Variants in OR2M3 observed in about 807,000 individuals in gnomAD.
OR2M3 encodes the protein olfactory receptor family 2 subfamily M member 3, also known as olfactory receptor 2M3.
In OR2M3, 1 loss-of-function variant was observed where a neutral mutation model predicts 4.3. The observed-to-expected ratio is 0.23, with a 90% CI of 0.08 to 1.11. OR2M3 has a LOEUF of 1.11. OR2M3 is among the 50% of genes most tolerant of loss of function. OR2M3 has a pLI of 0.54. For synonymous variants in OR2M3, 151 were observed against 139.4 expected (o/e 1.08, Z -0.59); for missense variants, 410 against 390.4 (o/e 1.05, Z -0.42).
Position 248,206,163 on chromosome 1 carries a change from C to T in OR2M3, c.*2157C>T, listed in dbSNP as rs1423611069. 1 of 152,014 alleles carries T rather than the reference C, an allele frequency of 6.6e-6. No individual in the cohort carries two copies. Among genetic ancestry groups the T allele is most frequent in the Non-Finnish European group, 1.5e-5 (1 of 67,942 alleles). The allele number at this position is 152,014 out of a possible 1,614,324, so 9.4% of individuals were successfully genotyped here. A position where few individuals can be genotyped will look rare whatever the true frequency, so the allele number is the denominator to read the frequency against. ...TGTACATTAATTGTGTGTCCTGAAA[C>T]TGTTGAATTTATTTACCAGTTCTAG... On this transcript the variant is annotated 3_prime_UTR_variant, in exon 2 of 2. Transcript: ENST00000641626.
intron 1 of OR2M3, among the ~76,000 whole-genome samples, chr1:248,199,934 G>A (rs527491433): frequency 6.6e-6 from 1 of 152,224 alleles, no homozygotes; most frequent in East Asian, 1.9e-4. Flanking sequence ...ATTTACACTT[G>A]TTATTCAATT....
rs1462211432 is a variant in OR2M3 at position 248,207,736 on chromosome 1, A to G, written c.*3730A>G. ...TGTTTTTTGGCCTATCATATGGTCTATCTTGGAGAATGTTCTGTGTACTGA... is the reference window on the plus strand; with the variant it reads ...TGTTTTTTGGCCTATCATATGGTCTGTCTTGGAGAATGTTCTGTGTACTGA... On this transcript the variant is annotated 3_prime_UTR_variant, in exon 2 of 2. Coordinates refer to ENST00000641626, the MANE Select transcript of OR2M3 (RefSeq NM_001004689.2). 1 of 152,076 alleles carries G rather than the reference A, an allele frequency of 6.6e-6. No individual in the cohort carries two copies. Among genetic ancestry groups the G allele is most frequent in the African/African-American group, 2.4e-5 (1 of 41,426 alleles). The allele number at this position is 152,076 out of a possible 1,614,324, so 9.4% of individuals were successfully genotyped here.
intron 1 of OR2M3, among the ~76,000 whole-genome samples, chr1:248,201,581 A>G (rs1021621457): frequency 1.3e-5 from 2 of 151,344 alleles, no homozygotes; most frequent in East Asian, 1.9e-4. Flanking sequence ...ATCTCCTAAT[A>G]CTATCCCTCC....
chr1:248,198,716 G>C (rs7541625), intron 1 of OR2M3, among the ~76,000 whole-genome samples: 115,883 of 152,054 alleles, frequency 0.76, 44,308 homozygotes, highest in South Asian at 0.91. Flanking sequence ...GGCAGGTGTA[G>C]AGTATCACAG....
rs780805873 is a variant in OR2M3, at chr1:248,203,762, A to T, written c.695A>T (p.Glu232Val). Residue 232 changes from glutamate to valine, a missense_variant, in exon 2 of 2, where the codon GAG (glutamate) becomes GTG (valine). Physicochemically the swap from Glu to Val is moderately radical, Grantham distance 121 (BLOSUM62 -2). Coordinates refer to ENST00000641626, the MANE Select transcript of OR2M3 (RefSeq NM_001004689.2). ...ILAVIHMGSG[E>V]GRRKAFTTCS... ...GCTGTCATTCACATGGGATCTGGAG[A>T]GGGTCGTCGCAAAGCTTTTACTACT... The T allele has an allele frequency of 3.1e-6, 5 of 1,611,930 alleles. No individual in the cohort carries two copies. Among genetic ancestry groups the T allele is most frequent in the African/African-American group, 2.7e-5 (2 of 74,668 alleles).
Position 248,203,225 on chromosome 1 carries a change from C to A in OR2M3, c.158C>A (p.Thr53Asn). ...ATGGTTCTCCTCATCTACCTGGACA[C>A]CCAGCTCCACACCCCCATGTACCTC... Reference protein sequence around the residue: ...SVMVLLIYLDTQLHTPMYLLL... With the variant: ...SVMVLLIYLDNQLHTPMYLLL... The change falls in exon 2 of 2, where the codon ACC becomes AAC. Residue 53 changes from threonine (T) to asparagine (N), a missense_variant. By Grantham distance (65) the Thr-to-Asn change is moderately conservative. Transcript: ENST00000641626. 6.2e-7 allele frequency: 1 copy of A among 1,613,972 alleles called. No individual in the cohort carries two copies. The highest frequency in any genetic ancestry group is 8.5e-7 in the Non-Finnish European group (1 of 1,179,952).
intron 1 of OR2M3, among the ~76,000 whole-genome samples, chr1:248,198,834 G>A (rs1183333329): frequency 1.3e-5 from 2 of 152,040 alleles, no homozygotes; most frequent in Non-Finnish European, 2.9e-5. Flanking sequence ...CATAACTTCT[G>A]TGTTACTATT....
At position 248,204,162 on chromosome 1, in the gene OR2M3, A is replaced by T. The variant is rs972665656; in HGVS notation, c.*156A>T. The T allele has an allele frequency of 1.6e-5, 9 of 574,062 alleles. No homozygotes were observed. The allele number at this position is 574,062 out of a possible 1,614,324, so 35.6% of individuals were successfully genotyped here. A position where few individuals can be genotyped will look rare whatever the true frequency, so the allele number is the denominator to read the frequency against. ...TATAATTTATTTCAGATAAACTATT[A>T]TAACTATTTATTATTTTATATTCAT... On this transcript the variant is annotated 3_prime_UTR_variant, in exon 2 of 2. Coordinates refer to ENST00000641626, the MANE Select transcript of OR2M3 (RefSeq NM_001004689.2).
Position 248,208,860 on chromosome 1 carries a change from G to C in OR2M3, c.*4854G>C, listed in dbSNP as rs1308258526. ...GGTGTTCTTTGAGCTTCTTGAGTTT[G>C]GATGTTTAGATCCAGCAAGGCTGGT... is the stretch of plus-strand genomic sequence containing the variant. On this transcript the variant is annotated 3_prime_UTR_variant, in exon 2 of 2. Transcript: ENST00000641626. 6.6e-6 allele frequency: 1 copy of C among 152,124 alleles called. No individual in the cohort carries two copies. 9.4% of individuals were successfully genotyped at this position (152,124 alleles called of 1,614,324 possible).
rs1326132137 is a variant in OR2M3, at chr1:248,203,993, A to G, written c.926A>G (p.Lys309Arg). 1 of 1,613,768 alleles carries G rather than the reference A, an allele frequency of 6.2e-7. No homozygotes were observed. The highest frequency in any genetic ancestry group is 8.5e-7 in the Non-Finnish European group (1 of 1,179,868). ...RAFMKILGKG[K>R]SGE ...TTCATGAAGATCTTAGGAAAGGGCA[A>G]GTCTGGAGAGTGAGTTACCTAATAA... Residue 309 changes from lysine to arginine, a missense_variant, in exon 2 of 2, where the codon AAG becomes AGG. Transcript: ENST00000641626.
chr1:248,203,347 A>G lies in OR2M3; in HGVS notation c.280A>G (p.Met94Val), dbSNP rs1666182243. ...NYLSGSKSIS[M>V]AGCATQIFFY... Reference sequence around the variant, plus strand: ...CCTGTCTGGCAGCAAGTCCATTTCTATGGCTGGTTGTGCCACACAAATTTT... The same window carrying G: ...CCTGTCTGGCAGCAAGTCCATTTCTGTGGCTGGTTGTGCCACACAAATTTT... Residue 94 changes from methionine to valine, a missense_variant, in exon 2 of 2, where the codon ATG (methionine) becomes GTG (valine). Transcript: ENST00000641626. The G allele has an allele frequency of 3.1e-6, 5 of 1,614,056 alleles. No homozygotes were observed. The highest frequency in any genetic ancestry group is 2.2e-5 in the East Asian group (1 of 44,868).
At chr1:248,200,305 G>A (rs573712876) in intron 1 of OR2M3, among the ~76,000 whole-genome samples, 14 of 152,164 alleles carry the variant, frequency 9.2e-5, no homozygotes, top group South Asian at 8.3e-4. Flanking sequence ...AAGTTGAGAC[G>A]AGTTATTTTC....
intron 1 of OR2M3, among the ~76,000 whole-genome samples, chr1:248,200,374 C>A (rs1326918447): frequency 6.6e-6 from 1 of 152,010 alleles, no homozygotes; most frequent in Non-Finnish European, 1.5e-5. Flanking sequence ...AAGTCTTTCC[C>A]CCTGATTGAC....
Position 248,210,458 on chromosome 1 carries a change from T to C in OR2M3, c.*6452T>C, listed in dbSNP as rs112152838. ...TCTGTGTCAGGCCTCTGAGCCCAAGTTAAGCCATCATATCCCTTGTGACCT... is the reference window on the plus strand; with the variant it reads ...TCTGTGTCAGGCCTCTGAGCCCAAGCTAAGCCATCATATCCCTTGTGACCT... On this transcript the variant is annotated 3_prime_UTR_variant, in exon 2 of 2. Coordinates refer to ENST00000641626, the MANE Select transcript of OR2M3 (RefSeq NM_001004689.2). 2,178 of 170,610 alleles carry C rather than the reference T, an allele frequency of 0.013. 50 individuals are homozygous for C. Among genetic ancestry groups the C allele is most frequent in the African/African-American group, 0.048 (2,026 of 41,870 alleles). The allele number at this position is 170,610 out of a possible 1,614,324, so 10.6% of individuals were successfully genotyped here.
rs906119740 is a variant in OR2M3, at chr1:248,203,382, A to G, written c.315A>G (p.Thr105=). ...GTGCCACACAAATTTTCTTCTATAC[A>G]TCACTGCTTGGCTCTGAGTGCTTTC... ...AGCATQIFFY[T]SLLGSECFLL... Residue 105 remains threonine, a synonymous_variant, in exon 2 of 2, where the codon ACA becomes ACG. Transcript: ENST00000641626. 6.2e-7 allele frequency: 1 copy of G among 1,613,988 alleles called. No homozygotes were observed. The highest frequency in any genetic ancestry group is 8.5e-7 in the Non-Finnish European group (1 of 1,179,982).
rs147274825 is a variant in OR2M3, at chr1:248,203,292, C to T, written c.225C>T (p.Cys75=). The T allele has an allele frequency of 1.7e-4, 271 of 1,614,090 alleles. No individual in the cohort carries two copies. The highest frequency in any genetic ancestry group is 9.9e-4 in the Middle Eastern group (6 of 6,058). Residue 75 remains cysteine (C), a synonymous_variant, in exon 2 of 2, where the codon TGC becomes TGT. Transcript: ENST00000641626. ...QLSLMDLMLI[C]TTVPKMAFNY... is the part of the protein sequence containing the mutation. ...CCCTCATGGACCTCATGCTCATCTG[C>T]ACCACCGTACCCAAGATGGCCTTCA...
chr1:248,211,925 G>A lies in OR2M3; in HGVS notation c.*7919G>A, dbSNP rs908579497. ...TTATTTATATTATTGATTCACAAGA[G>A]AATCAAATTTTTCTAAAATTGGTCA... On this transcript the variant is annotated 3_prime_UTR_variant, in exon 2 of 2. Coordinates refer to ENST00000641626, the MANE Select transcript of OR2M3 (RefSeq NM_001004689.2). 5.3e-5 allele frequency: 8 copies of A among 152,114 alleles called. No homozygotes were observed. Among genetic ancestry groups the A allele is most frequent in the African/African-American group, 1.7e-4 (7 of 41,410 alleles). The allele number at this position is 152,114 out of a possible 1,614,324, so 9.4% of individuals were successfully genotyped here.
rs1666231239 is a variant in OR2M3 at position 248,207,081 on chromosome 1, T to G, written c.*3075T>G. ...AATTTGGTTATCTCTTCCAGGTTTT[T>G]TAGTTTATCTGCACAAAGGTGTTCA... On this transcript the variant is annotated 3_prime_UTR_variant, in exon 2 of 2. Coordinates refer to ENST00000641626, the MANE Select transcript of OR2M3 (RefSeq NM_001004689.2). The G allele has an allele frequency of 6.6e-6, 1 of 152,008 alleles. No homozygotes were observed. Among genetic ancestry groups the G allele is most frequent in the Non-Finnish European group, 1.5e-5 (1 of 67,940 alleles). 9.4% of individuals were successfully genotyped at this position (152,008 alleles called of 1,614,324 possible). A position where few individuals can be genotyped will look rare whatever the true frequency, so the allele number is the denominator to read the frequency against.
chr1:248,199,186 T>C (rs1666129799), intron 1 of OR2M3, among the ~76,000 whole-genome samples: 1 of 152,070 alleles, frequency 6.6e-6, no homozygotes, highest in African/African-American at 2.4e-5. Flanking sequence ...ATATTACAAT[T>C]AAGAAAAAAA....
Sources: allele counts gnomAD v4.1 joint callset (sites outside exome capture counted in the v4.1 genomes callset), GRCh38; gene constraint gnomAD v4.1.1; transcripts MANE v1.5; gene names NCBI Gene and HGNC (gene_info 2026-07-23, HGNC 2026-07-21).